The following EXOC4 variants were observed in gnomAD, a reference collection of about 807,000 sequenced individuals.
EXOC4 encodes the protein exocyst complex component 4, also known as SEC8-like 1.
In EXOC4, 71 loss-of-function variants were observed where a neutral mutation model predicts 107.2. The ratio of observed to expected loss-of-function variants is 0.66; its 90% CI spans 0.55 to 0.81. EXOC4 has a LOEUF of 0.81. EXOC4 is among the 30% of genes least tolerant of loss of function. EXOC4 has a pLI of 0.00. For missense variants in EXOC4, 1,108 were observed against 1,189.6 expected, an observed-to-expected ratio of 0.93 and a Z score of 1.01; for synonymous variants, 456 against 441.2, an observed-to-expected ratio of 1.03 and a Z score of -0.42.
chr7:133,792,149 G>A (rs987843335), intron 10 of EXOC4, among the ~76,000 whole-genome samples: 1 of 152,098 alleles, frequency 6.6e-6, no homozygotes. Flanking sequence ...CTGATTTGGA[G>A]GCTCTGCCAC....
At chr7:133,534,718 A>C (rs1186997281) in intron 9 of EXOC4, among the ~76,000 whole-genome samples, 1 of 152,204 alleles carries the variant, frequency 6.6e-6, no homozygotes, top group Non-Finnish European at 1.5e-5. Flanking sequence ...GAAGGAAATA[A>C]ATCTTGAAGA....
At chr7:133,586,865 C>T (rs755427617) in intron 9 of EXOC4, among the ~76,000 whole-genome samples, 4 of 152,092 alleles carry the variant, frequency 2.6e-5, no homozygotes, top group Non-Finnish European at 4.4e-5. Context: ...GAGTCTCACT[C>T]CGTCACCCAG....
At chr7:133,913,715 G>A (rs1332363675) in intron 12 of EXOC4, among the ~76,000 whole-genome samples, 3 of 152,184 alleles carry the variant, frequency 2.0e-5, no homozygotes, top group Non-Finnish European at 4.4e-5. Flanking sequence ...GAACTTTCAA[G>A]TAGAGTTCTA....
chr7:133,605,134 G>A (rs960809441), intron 9 of EXOC4, among the ~76,000 whole-genome samples: 2 of 152,042 alleles, frequency 1.3e-5, no homozygotes, highest in African/African-American at 4.8e-5. Context: ...CGAAATAGTA[G>A]GTGTGTCTGT....
At chr7:134,062,440 G>C (rs10265572) in intron 17 of EXOC4, among the ~76,000 whole-genome samples, 4,322 of 152,230 alleles carry the variant, frequency 0.028, 187 homozygotes, top group African/African-American at 0.093. Flanking sequence ...TTTCCCCATA[G>C]GAGGTTCTTT....
chr7:133,414,662 A>C (rs1797433618), intron 7 of EXOC4, among the ~76,000 whole-genome samples: 1 of 152,186 alleles, frequency 6.6e-6, no homozygotes, highest in Admixed American at 6.5e-5. Flanking sequence ...AAACATACTA[A>C]GGGTAATGTA....
intron 9 of EXOC4, among the ~76,000 whole-genome samples, chr7:133,622,622 A>G (rs1021283548): frequency 6.6e-6 from 1 of 152,140 alleles, no homozygotes; most frequent in Non-Finnish European, 1.5e-5. Context: ...ATTTATATAT[A>G]TAGGACATAA....
At chr7:134,000,115 A>G (rs1400525656) in intron 15 of EXOC4, among the ~76,000 whole-genome samples, 5 of 152,134 alleles carry the variant, frequency 3.3e-5, no homozygotes, top group Non-Finnish European at 5.9e-5. Context: ...TCCTCATGTA[A>G]CATGGTTCCA....
At chr7:133,670,036 T>G (rs1793911670) in intron 10 of EXOC4, among the ~76,000 whole-genome samples, 1 of 152,230 alleles carries the variant, frequency 6.6e-6, no homozygotes, top group Non-Finnish European at 1.5e-5. Context: ...TCCTTCAACT[T>G]TTGGTATTAC....
At chr7:133,592,945 C>T (rs1414814280) in intron 9 of EXOC4, among the ~76,000 whole-genome samples, 1 of 152,130 alleles carries the variant, frequency 6.6e-6, no homozygotes, top group Non-Finnish European at 1.5e-5. Flanking sequence ...CTGGGTTTCA[C>T]CATGTTGGCC....
chr7:133,809,675 C>CT (rs1354131476), intron 10 of EXOC4, among the ~76,000 whole-genome samples: 4 of 152,182 alleles, frequency 2.6e-5, no homozygotes, highest in Non-Finnish European at 5.9e-5. Flanking sequence ...TCCCAAATAT[C>CT]TATATTAATG....
intron 10 of EXOC4, among the ~76,000 whole-genome samples, chr7:133,689,690 C>T (rs995679602): frequency 9.9e-5 from 15 of 152,122 alleles, no homozygotes; most frequent in African/African-American, 3.4e-4. Flanking sequence ...TCAACTAACC[C>T]AGTAGGATTG....
chr7:134,069,383 C>T (rs565469804), downstream of EXOC4, among the ~76,000 whole-genome samples: 1 of 147,438 alleles, frequency 6.8e-6, no homozygotes, highest in East Asian at 2.0e-4. Flanking sequence ...TCTCCTCCTT[C>T]TCCGCCTCTT....
intron 14 of EXOC4, among the ~76,000 whole-genome samples, chr7:133,993,720 T>G (rs990977582): frequency 6.6e-6 from 1 of 152,240 alleles, no homozygotes; most frequent in East Asian, 1.9e-4. Context: ...TCTCTGATTC[T>G]TGGTCTTTTC....
At chr7:134,074,093 G>A in the EXOC4 span, among the ~76,000 whole-genome samples, 8 of 152,184 alleles carry the variant, frequency 5.3e-5, no homozygotes, top group African/African-American at 1.4e-4. Flanking sequence ...GCTGGATGTC[G>A]TGGAGCTACC....
chr7:133,287,267 GT>G (rs575344080), intron 2 of EXOC4, among the ~76,000 whole-genome samples: 16 of 151,714 alleles, frequency 1.1e-4, no homozygotes, highest in African/African-American at 3.4e-4. Context: ...TTACAAAGAG[GT>G]CTATGACCCC....
At chr7:134,091,810 A>G in the EXOC4 span, among the ~76,000 whole-genome samples, 4 of 152,270 alleles carry the variant, frequency 2.6e-5, no homozygotes, top group Middle Eastern at 3.4e-3. Flanking sequence ...ACAGGGGCCT[A>G]TCTTTAGGTG....
chr7:133,388,518 C>T (rs1384607294), intron 7 of EXOC4, among the ~76,000 whole-genome samples: 1 of 151,918 alleles, frequency 6.6e-6, no homozygotes, highest in Non-Finnish European at 1.5e-5. Context: ...GGAATGGTGG[C>T]CTGTGTCTGT....
At chr7:133,274,155 C>T (rs901058630) in intron 1 of EXOC4, among the ~76,000 whole-genome samples, 1 of 152,138 alleles carries the variant, frequency 6.6e-6, no homozygotes, top group South Asian at 2.1e-4. Context: ...TAGTGCTGTT[C>T]GAAGACTAGT....
Sources: gnomAD v4.1 joint callset for allele counts (sites outside exome capture counted in the v4.1 genomes callset) on GRCh38, gnomAD v4.1.1 for gene constraint, MANE v1.5 for transcripts, NCBI Gene and HGNC (gene_info 2026-07-23, HGNC 2026-07-21) for gene names.